MAPDA: variants seen among roughly 807,000 people sequenced by gnomAD.
MAPDA encodes the protein N6-Methyl-AMP deaminase, also known as N6,N6-dimethyl-AMP deaminase.
At chr15:43,348,012 A>G in the MAPDA span, among the ~76,000 whole-genome samples, 6 of 152,264 alleles carry the variant, frequency 3.9e-5, no homozygotes, top group Non-Finnish European at 8.8e-5. Flanking sequence ...AGGGAATAGC[A>G]TGTGTGACAG....
the MAPDA span, chr15:43,352,933 A>G: frequency 2.0e-5 from 3 of 151,288 alleles, no homozygotes; most frequent in African/African-American, 7.3e-5. Context: ...GAAAGACAGA[A>G]ATAGCTGCAG....
the MAPDA span, among the ~76,000 whole-genome samples, chr15:43,337,360 C>T: frequency 1.3e-5 from 2 of 151,052 alleles, no homozygotes; most frequent in Non-Finnish European, 2.9e-5. Context: ...ACATAGGAGA[C>T]TTACTGTATG....
At chr15:43,353,572 A>G in the MAPDA span, 1 of 152,058 alleles carries the variant, frequency 6.6e-6, no homozygotes, top group South Asian at 2.1e-4. Context: ...GGCAGCCCCT[A>G]GGGGCTGGTC....
At chr15:43,342,803 C>T in the MAPDA span, among the ~76,000 whole-genome samples, 1 of 151,762 alleles carries the variant, frequency 6.6e-6, no homozygotes, top group African/African-American at 2.4e-5. Flanking sequence ...ACTTCATTTC[C>T]CCCTAATTTT....
chr15:43,345,369 A>AAATG, the MAPDA span, among the ~76,000 whole-genome samples: 2 of 145,024 alleles, frequency 1.4e-5, no homozygotes, highest in African/African-American at 5.2e-5. Context: ...AAAAAAAAAA[A>AAATG]AAATAGGACA....
chr15:43,341,372 T>C, the MAPDA span, among the ~76,000 whole-genome samples: 2 of 152,156 alleles, frequency 1.3e-5, no homozygotes, highest in Non-Finnish European at 1.5e-5. Flanking sequence ...AAAAGAAGGA[T>C]ATTAACCTAA....
the MAPDA span, chr15:43,330,585 A>C: frequency 2.2e-6 from 3 of 1,378,268 alleles, no homozygotes; most frequent in Non-Finnish European, 9.6e-7. Context: ...GAAAAAAACC[A>C]CCCATGCTCC....
chr15:43,342,927 T>G, the MAPDA span: 1 of 1,154,608 alleles, frequency 8.7e-7, no homozygotes, highest in Non-Finnish European at 1.3e-6. Context: ...TCATATAGGA[T>G]TGCTGAAGGT....
At chr15:43,344,817 A>AT in the MAPDA span, among the ~76,000 whole-genome samples, 1 of 151,856 alleles carries the variant, frequency 6.6e-6, no homozygotes, top group South Asian at 2.1e-4. Context: ...AAAAAAAAAA[A>AT]AAAAAGAAAT....
the MAPDA span, among the ~76,000 whole-genome samples, chr15:43,344,831 AAC>A: frequency 2.5e-3 from 374 of 151,390 alleles, 1 homozygote; most frequent in South Asian, 0.012. Flanking sequence ...AAGAAATATT[AAC>A]AGAGATTCTC....
chr15:43,350,958 A>G, the MAPDA span: 12 of 1,551,608 alleles, frequency 7.7e-6, no homozygotes, highest in East Asian at 2.4e-5. Flanking sequence ...TTTGACCTCA[A>G]ACGTCAAAAG....
the MAPDA span, among the ~76,000 whole-genome samples, chr15:43,348,236 A>G: frequency 2.0e-5 from 3 of 152,260 alleles, no homozygotes; most frequent in Non-Finnish European, 4.4e-5. Context: ...AGAATCAAAC[A>G]TGATGAGCAC....
the MAPDA span, chr15:43,348,793 C>T: frequency 9.3e-7 from 1 of 1,078,144 alleles, no homozygotes; most frequent in South Asian, 1.9e-5. Context: ...TTCAGTTTTC[C>T]AAAAGGTCTG....
the MAPDA span, among the ~76,000 whole-genome samples, chr15:43,337,020 G>A: frequency 6.6e-6 from 1 of 151,986 alleles, no homozygotes; most frequent in South Asian, 2.1e-4. Flanking sequence ...TGTAATCCCA[G>A]CACTCTGGGA....
chr15:43,335,599 A>C, the MAPDA span: 1 of 1,288,122 alleles, frequency 7.8e-7, no homozygotes, highest in Non-Finnish European at 1.1e-6. Flanking sequence ...AAATCTAGTA[A>C]GCAGTTTGCC....
the MAPDA span, chr15:43,330,442 G>A: frequency 6.4e-7 from 1 of 1,552,904 alleles, no homozygotes. Flanking sequence ...TGCTGTCGTT[G>A]GTGTTCTGTA....
chr15:43,340,368 C>T, the MAPDA span: 2 of 1,601,178 alleles, frequency 1.2e-6, no homozygotes, highest in Non-Finnish European at 1.7e-6. Flanking sequence ...ATTTATACTT[C>T]TCAGCAAATG....
At chr15:43,337,263 G>A in the MAPDA span, among the ~76,000 whole-genome samples, 5 of 135,050 alleles carry the variant, frequency 3.7e-5, no homozygotes, top group African/African-American at 5.6e-5. Context: ...GCAACAGAGC[G>A]AGACTCCGTC....
the MAPDA span, chr15:43,335,582 T>C: frequency 5.1e-6 from 6 of 1,184,664 alleles, no homozygotes; most frequent in African/African-American, 6.3e-5. Context: ...AACTTTATTA[T>C]GTAGCTAAAT....
Sources: allele counts gnomAD v4.1 joint callset (sites outside exome capture counted in the v4.1 genomes callset), GRCh38; gene constraint gnomAD v4.1.1; transcripts MANE v1.5; gene names NCBI Gene and HGNC (gene_info 2026-07-23, HGNC 2026-07-21).